Variants in TBC1D1 observed in about 807,000 individuals in gnomAD.
TBC1D1 encodes TBC1 domain family member 1.
In TBC1D1, 89 loss-of-function variants were observed where a neutral mutation model predicts 125.6. The observed-to-expected ratio is 0.71, with a 90% confidence interval of 0.60 to 0.85. The LOEUF is 0.85. TBC1D1 is among the 40% of genes least tolerant of loss of function. TBC1D1 has a pLI of 0.00. For synonymous variants in TBC1D1, 565 were observed against 564.1 expected (o/e 1.00, Z -0.02); for missense variants, 1,377 against 1,469.2 (o/e 0.94, Z 1.03).
At chr4:38,103,926 A>C (rs1443323637) in intron 15 of TBC1D1, among the ~76,000 whole-genome samples, 5 of 151,900 alleles carry the variant, frequency 3.3e-5, no homozygotes, top group African/African-American at 9.7e-5. Context: ...TTGGGAGGCC[A>C]AGGCTGGTGG....
At chr4:37,999,344 C>G (rs1156377869) in intron 2 of TBC1D1, among the ~76,000 whole-genome samples, 10 of 152,142 alleles carry the variant, frequency 6.6e-5, no homozygotes, top group Non-Finnish European at 4.4e-5. Flanking sequence ...ACCTACAACA[C>G]TTTGGTGTAT....
At chr4:37,905,378 A>T (rs1156760550) in intron 2 of TBC1D1, among the ~76,000 whole-genome samples, 1 of 152,250 alleles carries the variant, frequency 6.6e-6, no homozygotes, top group African/African-American at 2.4e-5. Flanking sequence ...ATGTTTATAC[A>T]GTCTTTTATA....
At chr4:38,012,295 T>G (rs2152423629) in intron 2 of TBC1D1, among the ~76,000 whole-genome samples, 1 of 152,304 alleles carries the variant, frequency 6.6e-6, no homozygotes, top group Non-Finnish European at 1.5e-5. Flanking sequence ...GTTGTTGTTT[T>G]TTGTTTTGAG....
chr4:38,080,513 C>T (rs1015777591), intron 12 of TBC1D1, among the ~76,000 whole-genome samples: 49 of 152,228 alleles, frequency 3.2e-4, no homozygotes, highest in Admixed American at 3.2e-3. Context: ...CCTGTCCCTT[C>T]GCTGGGCCCC....
intron 2 of TBC1D1, among the ~76,000 whole-genome samples, chr4:37,980,780 T>C (rs1734190939): frequency 1.3e-5 from 2 of 151,848 alleles, no homozygotes; most frequent in Non-Finnish European, 2.9e-5. Flanking sequence ...TTTAACTGTG[T>C]ATTTTCCAGT....
At position 38,014,570 on chromosome 4, in the gene TBC1D1, A is replaced by C. The variant is rs776111627; in HGVS notation, c.479A>C (p.His160Pro). ...AAGATCGCCCGGCAGGAGGAGCTGC[A>C]CTGCCCGTCCGAGTTCGACGACACG... Residue 160 changes from histidine (H) to proline (P), a missense_variant, in exon 3 of 20, where the codon CAC becomes CCC. His to Pro is a moderately conservative substitution (Grantham distance 77). Around this residue, in one of 3 missense-constraint regions of TBC1D1, gnomAD observed 822 missense variants for 824.6 expected, o/e 1.00. Coordinates refer to ENST00000261439, the MANE Select transcript of TBC1D1 (RefSeq NM_015173.4). The surrounding 1 kb of genome is among the most constrained non-coding windows in gnomAD (Gnocchi z 5.1). 3 of 1,613,240 alleles carry C rather than the reference A, an allele frequency of 1.9e-6. No homozygotes were observed. Among genetic ancestry groups the C allele is most frequent in the Non-Finnish European group, 2.5e-6 (3 of 1,180,040 alleles).
intron 1 of TBC1D1, among the ~76,000 whole-genome samples, chr4:37,892,825 G>A (rs1210564680): frequency 1.3e-5 from 2 of 150,782 alleles, no homozygotes; most frequent in African/African-American, 2.4e-5. Context: ...GTATTAGGAG[G>A]AAACGTGCAA....
chr4:38,009,178 TA>T (rs1311013358), intron 2 of TBC1D1, among the ~76,000 whole-genome samples: 1 of 152,204 alleles, frequency 6.6e-6, no homozygotes, highest in African/African-American at 2.4e-5. Flanking sequence ...TGCTTGTCAA[TA>T]AAAACAAGCC....
intron 2 of TBC1D1, among the ~76,000 whole-genome samples, chr4:37,949,026 G>T (rs1260997951): frequency 1.3e-5 from 2 of 152,178 alleles, no homozygotes; most frequent in African/African-American, 2.4e-5. Flanking sequence ...GTCAGTTGAT[G>T]GCCATGGGTT....
chr4:38,058,273 C>G (rs547965151), intron 12 of TBC1D1, among the ~76,000 whole-genome samples: 1 of 152,168 alleles, frequency 6.6e-6, no homozygotes, highest in Non-Finnish European at 1.5e-5. Flanking sequence ...CCAGAGCCCT[C>G]CACTGTGGTC....
chr4:37,980,362 C>T (rs1056898458), intron 2 of TBC1D1, among the ~76,000 whole-genome samples: 7 of 152,172 alleles, frequency 4.6e-5, no homozygotes, highest in Admixed American at 6.5e-5. Context: ...TGACTTTTTA[C>T]GCAGTTTATA....
intron 2 of TBC1D1, among the ~76,000 whole-genome samples, chr4:37,936,368 C>T (rs1217497770): frequency 2.6e-5 from 4 of 152,162 alleles, no homozygotes; most frequent in Non-Finnish European, 5.9e-5. Context: ...GTCACTAAAA[C>T]ACAAAAAGTG....
chr4:37,971,891 T>C (rs1419784690), intron 2 of TBC1D1, among the ~76,000 whole-genome samples: 1 of 152,206 alleles, frequency 6.6e-6, no homozygotes, highest in Admixed American at 6.5e-5. Context: ...TAATTGAGAA[T>C]GCATTCTCTA....
At chr4:38,073,133 T>C (rs1754989123) in intron 12 of TBC1D1, among the ~76,000 whole-genome samples, 1 of 152,246 alleles carries the variant, frequency 6.6e-6, no homozygotes, top group Non-Finnish European at 1.5e-5. Context: ...CTTTCGGATA[T>C]GTACCCAGAA....
At chr4:38,096,909 A>G (rs1039293862) in intron 14 of TBC1D1, among the ~76,000 whole-genome samples, 11 of 152,232 alleles carry the variant, frequency 7.2e-5, no homozygotes, top group African/African-American at 1.9e-4. Context: ...GATGCTTCAC[A>G]GATAGTTTGA....
At chr4:37,956,312 C>T (rs559076243) in intron 2 of TBC1D1, among the ~76,000 whole-genome samples, 2 of 152,168 alleles carry the variant, frequency 1.3e-5, no homozygotes, top group Admixed American at 1.3e-4. Context: ...AGCCACCACA[C>T]CCGGCTTAAT....
At chr4:38,019,161 G>T (rs1050213352) in intron 4 of TBC1D1, among the ~76,000 whole-genome samples, 11 of 151,610 alleles carry the variant, frequency 7.3e-5, no homozygotes, top group Non-Finnish European at 1.5e-4. Context: ...ATCACTTAAG[G>T]TTATATTTGC....
At chr4:37,946,855 T>C (rs1726796540) in intron 2 of TBC1D1, among the ~76,000 whole-genome samples, 2 of 152,224 alleles carry the variant, frequency 1.3e-5, no homozygotes, top group African/African-American at 4.8e-5. Flanking sequence ...CTTTCCTTGG[T>C]ATTTACCCAA....
intron 15 of TBC1D1, among the ~76,000 whole-genome samples, chr4:38,115,203 C>A (rs1308481047): frequency 6.6e-6 from 1 of 150,756 alleles, no homozygotes; most frequent in Non-Finnish European, 1.5e-5. Context: ...CAGGTTCAAG[C>A]AATTCTCCTG....
Sources: gnomAD v4.1 joint callset for allele counts (sites outside exome capture counted in the v4.1 genomes callset) on GRCh38, gnomAD v4.1.1 for gene constraint, gnomAD v4.1.1 regional missense constraint, Gnocchi (gnomAD v3.1) non-coding constraint, MANE v1.5 for transcripts, NCBI Gene and HGNC (gene_info 2026-07-23, HGNC 2026-07-21) for gene names.